PCLO: variants seen among roughly 807,000 people sequenced by gnomAD.
PCLO encodes protein piccolo.
In PCLO, 82 loss-of-function variants were observed where a neutral mutation model predicts 427.5. The observed-to-expected ratio is 0.19, with a 90% CI of 0.16 to 0.23. The LOEUF is 0.23. Ranked by LOEUF, PCLO falls within the 10% of genes least tolerant of loss-of-function variation. PCLO has a pLI of 1.00. For synonymous variants in PCLO, 2,357 were observed against 2,155.4 expected (o/e 1.09, Z -2.59); for missense variants, 6,239 against 6,115.9 (o/e 1.02, Z -0.67).
intron 8 of PCLO, among the ~76,000 whole-genome samples, chr7:82,905,148 G>T (rs569717766): frequency 6.6e-6 from 1 of 152,132 alleles, no homozygotes; most frequent in South Asian, 2.1e-4. Context: ...CTCCCCAAGG[G>T]GATGGTCTCT....
rs183387237 is a variant in PCLO at position 82,928,622 on chromosome 7, G to A, written c.11113-11749C>T. On this transcript the variant is annotated intron_variant, in intron 6 of 24. Coordinates refer to ENST00000333891, the MANE Select transcript of PCLO (RefSeq NM_033026.6). ...ACTCCTGACCTCAGGTAATCCACCCGCCTCGGCCTCCCAAAATGCTGGGAT... is the reference window on the plus strand; with the variant it reads ...ACTCCTGACCTCAGGTAATCCACCCACCTCGGCCTCCCAAAATGCTGGGAT... 5.7e-4 allele frequency among the ~76,000 whole-genome samples: 87 copies of A among 152,146 alleles called. 1 individual carries two copies. The highest frequency in any genetic ancestry group is 1.8e-3 in the African/African-American group (75 of 41,526).
intron 8 of PCLO, among the ~76,000 whole-genome samples, chr7:82,908,003 T>C (rs1358103005): frequency 6.6e-6 from 1 of 152,076 alleles, no homozygotes; most frequent in Non-Finnish European, 1.5e-5. Flanking sequence ...ATATGGTTGT[T>C]TTCTATTTCA....
intron 22 of PCLO, among the ~76,000 whole-genome samples, chr7:82,783,478 C>A (rs147545727): frequency 6.6e-6 from 1 of 151,922 alleles, no homozygotes; most frequent in African/African-American, 2.4e-5. Context: ...GAAAATTAGC[C>A]GGGCATGGTG....
chr7:82,874,369 T>C (rs1793317543), intron 10 of PCLO, among the ~76,000 whole-genome samples: 1 of 152,046 alleles, frequency 6.6e-6, no homozygotes, highest in African/African-American at 2.4e-5. Context: ...GCTCAAGTGA[T>C]CACCTTGACT....
intron 9 of PCLO, 37 bp downstream of exon 9, chr7:82,902,604 CAAAACAAAAA>C (rs1794072585): frequency 8.9e-7 from 1 of 1,124,638 alleles, no homozygotes; most frequent in African/African-American, 1.6e-5. Flanking sequence ...CAAAACAAAA[CAAAACAAAAA>C]AACAAAAAAA....
rs1039775025 is a variant in PCLO, at chr7:82,820,668, A to G, written c.14791+1827T>C. On this transcript the variant is annotated intron_variant, in intron 20 of 24. Coordinates refer to ENST00000333891, the MANE Select transcript of PCLO (RefSeq NM_033026.6). ...ATTTTTCCTTTACTTTCCTCTAAGA[A>G]TTTTCAAAATCCACTAAATTTTTAA... 1.4e-4 allele frequency: 178 copies of G among 1,230,698 alleles called. 1 individual carries two copies. The highest frequency in any genetic ancestry group is 6.2e-4 in the Middle Eastern group (2 of 3,222). The allele number at this position is 1,230,698 out of a possible 1,614,324, so 76.2% of individuals were successfully genotyped here.
At chr7:82,970,556 G>A (rs1795879683) in intron 3 of PCLO, among the ~76,000 whole-genome samples, 1 of 151,794 alleles carries the variant, frequency 6.6e-6, no homozygotes, top group Admixed American at 6.6e-5. Context: ...ATGCTAAACT[G>A]GTGGTCTCAT....
intron 3 of PCLO, among the ~76,000 whole-genome samples, chr7:83,051,577 A>T (rs1789255282): frequency 6.6e-6 from 1 of 152,176 alleles, no homozygotes; most frequent in African/African-American, 2.4e-5. Flanking sequence ...AAATATAGAG[A>T]TATTTCAAAT....
At chr7:82,941,782 A>G (rs1795093093) in intron 6 of PCLO, among the ~76,000 whole-genome samples, 1 of 152,222 alleles carries the variant, frequency 6.6e-6, no homozygotes, top group Non-Finnish European at 1.5e-5. Context: ...CCAAATTTTT[A>G]TATTATAATC....
intron 9 of PCLO, among the ~76,000 whole-genome samples, chr7:82,901,782 T>C (rs1411886671): frequency 6.6e-6 from 1 of 152,028 alleles, no homozygotes; most frequent in African/African-American, 2.4e-5. Context: ...AACAGACACT[T>C]CTCAAAACAA....
intron 3 of PCLO, among the ~76,000 whole-genome samples, chr7:83,016,621 C>A (rs1052674615): frequency 1.6e-4 from 25 of 152,126 alleles, no homozygotes; most frequent in African/African-American, 5.8e-4. Flanking sequence ...CTATAGAGAG[C>A]CCTGTATGCT....
At chr7:82,959,821 T>G (rs1795614965) in intron 4 of PCLO, among the ~76,000 whole-genome samples, 1 of 152,108 alleles carries the variant, frequency 6.6e-6, no homozygotes, top group African/African-American at 2.4e-5. Flanking sequence ...TTTTGCATAT[T>G]ATAAGGTGGC....
chr7:82,820,524 G>A, intron 20 of PCLO: 1 of 1,223,614 alleles, frequency 8.2e-7, no homozygotes, highest in African/African-American at 1.6e-5. Context: ...GGCACTTGGA[G>A]ATTCACATGC....
At chr7:82,818,993 C>A (rs868753975) in intron 20 of PCLO, among the ~76,000 whole-genome samples, 2 of 152,116 alleles carry the variant, frequency 1.3e-5, no homozygotes, top group African/African-American at 4.8e-5. Context: ...CTTGCAGGTT[C>A]TTTTTATATG....
chr7:82,946,330 G>T (rs1264810298), intron 6 of PCLO, among the ~76,000 whole-genome samples: 1 of 152,044 alleles, frequency 6.6e-6, no homozygotes, highest in Non-Finnish European at 1.5e-5. Context: ...CACTAGTCAG[G>T]CATTTAGGAC....
At chr7:82,893,127 T>C (rs557436213) in intron 9 of PCLO, among the ~76,000 whole-genome samples, 55 of 152,178 alleles carry the variant, frequency 3.6e-4, no homozygotes, top group African/African-American at 1.3e-3. Flanking sequence ...TGCACACGTA[T>C]GGTTATTGCG....
intron 3 of PCLO, among the ~76,000 whole-genome samples, chr7:83,038,778 C>A (rs35042898): frequency 0.091 from 13,833 of 151,942 alleles, 838 homozygotes; most frequent in Non-Finnish European, 0.13. Context: ...GGTAACTCTA[C>A]GTTTAGTCAT....
chr7:82,954,059 C>A lies in PCLO; in HGVS notation c.6894G>T (p.Lys2298Asn). The change falls in exon 5 of 25, where the codon AAG becomes AAT. Residue 2298 changes from lysine (K) to asparagine (N), a missense_variant. This residue lies in a region of PCLO where 4,677 missense variants were observed against 4,468.4 expected (regional missense o/e 1.05). Transcript: ENST00000333891. ...CCTTCTTGGCTTTCTTCACTGGGTCCTTTTCAGATATAAGTAAGTCAGTAG... is the reference window on the plus strand; with the variant it reads ...CCTTCTTGGCTTTCTTCACTGGGTCATTTTCAGATATAAGTAAGTCAGTAG... ...TVSTDLLISE[K>N]DPVKKAKKET... 2 of 1,613,764 alleles carry A rather than the reference C, an allele frequency of 1.2e-6. No homozygotes were observed. The highest frequency in any genetic ancestry group is 3.3e-4 in the Middle Eastern group (2 of 6,058).
At chr7:82,975,548 C>T (rs1293034965) in intron 3 of PCLO, among the ~76,000 whole-genome samples, 1 of 152,124 alleles carries the variant, frequency 6.6e-6, no homozygotes, top group African/African-American at 2.4e-5. Flanking sequence ...TGGTAGAACA[C>T]AGTGCAATAC....
Sources: gnomAD v4.1 joint callset for allele counts (sites outside exome capture counted in the v4.1 genomes callset) on GRCh38, gnomAD v4.1.1 for gene constraint, gnomAD v4.1.1 regional missense constraint, MANE v1.5 for transcripts, NCBI Gene and HGNC (gene_info 2026-07-23, HGNC 2026-07-21) for gene names.